The following NCKAP5 variants were observed in gnomAD, a reference collection of about 807,000 sequenced individuals.
NCKAP5 encodes the protein NCK associated protein 5.
NCKAP5 carries 92 observed loss-of-function variants against 167.0 expected under a neutral mutation model. The observed-to-expected ratio is 0.55, with a 90% CI of 0.47 to 0.66. The LOEUF (loss-of-function observed/expected upper bound fraction) is 0.66. Ranked by LOEUF, NCKAP5 falls within the 30% of genes least tolerant of loss-of-function variation. The probability of loss-of-function intolerance (pLI) is 0.00; values close to 1 mark genes in which losing one functional copy is unlikely to be tolerated. For synonymous variants in NCKAP5, 891 were observed against 877.4 expected (o/e 1.02, Z -0.27); for missense variants, 2,378 against 2,315.0 (o/e 1.03, Z -0.56).
chr2:133,169,006 C>CCA (rs1448439179), intron 5 of NCKAP5, among the ~76,000 whole-genome samples: 1 of 152,126 alleles, frequency 6.6e-6, no homozygotes, highest in Non-Finnish European at 1.5e-5. Context: ...TAGTCGTTCT[C>CCA]CATCACTGTC....
In NCKAP5 at chr2:133,458,061, A is replaced by G. The variant is rs553791237; in HGVS notation, c.69+59397T>C. 1.4e-4 allele frequency among the ~76,000 whole-genome samples: 22 copies of G among 152,288 alleles called. No individual in the cohort carries two copies. The South Asian group carries it at 4.6e-3, about 32-fold the overall frequency. The stretch of plus-strand genomic sequence containing the variant: ...GCAACCATGCCTGGAGGCTATGTTA[A>G]AAATTCTGAGATCCATGAACATCAG... On this transcript the variant is annotated intron_variant, in intron 3 of 19. Coordinates refer to ENST00000409261, the MANE Select transcript of NCKAP5 (RefSeq NM_207363.3).
chr2:132,990,552 T>C (rs2077420584), intron 7 of NCKAP5, among the ~76,000 whole-genome samples: 1 of 152,190 alleles, frequency 6.6e-6, no homozygotes, highest in Admixed American at 6.5e-5. Context: ...GCAGATTTGA[T>C]CAACTTCAGG....
chr2:133,129,682 A>G (rs1265619716), intron 6 of NCKAP5, among the ~76,000 whole-genome samples: 1 of 152,244 alleles, frequency 6.6e-6, no homozygotes, highest in Non-Finnish European at 1.5e-5. Flanking sequence ...GGCCTTTTAA[A>G]GGACAAGCCT....
Position 132,895,877 on chromosome 2 carries a change from G to A in NCKAP5, c.580-16961C>T, listed in dbSNP as rs1247649748. Among the ~76,000 whole-genome samples, 5 of 150,890 alleles carry A rather than the reference G, an allele frequency of 3.3e-5. No individual in the cohort carries two copies. In the East Asian group the frequency reaches 9.8e-4, roughly 29 times the overall value. ...AGGCCAGGCGCAGTGGCCCATGCCT[G>A]TAATCCCAGCACTTTGTAAGGCCGA... On this transcript the variant is annotated intron_variant, in intron 8 of 19. Transcript: ENST00000409261.
chr2:133,617,835 C>G, the NCKAP5 span, among the ~76,000 whole-genome samples: 1 of 150,326 alleles, frequency 6.7e-6, no homozygotes, highest in African/African-American at 2.4e-5. Context: ...AAAAAGAGCC[C>G]GCATCGCCAA....
chr2:133,519,405 C>A (rs1684290234), intron 2 of NCKAP5, among the ~76,000 whole-genome samples: 1 of 152,152 alleles, frequency 6.6e-6, no homozygotes, highest in Non-Finnish European at 1.5e-5. Flanking sequence ...ATAGGCATGA[C>A]CACTAGTCAA....
At chr2:133,240,541 T>C (rs1285139388) in intron 4 of NCKAP5, among the ~76,000 whole-genome samples, 2 of 152,238 alleles carry the variant, frequency 1.3e-5, no homozygotes, top group Admixed American at 1.3e-4. Flanking sequence ...GCTGACTGTC[T>C]TGGGGATGCT....
intron 19 of NCKAP5, among the ~76,000 whole-genome samples, chr2:132,698,551 G>T (rs1428103100): frequency 6.6e-6 from 1 of 152,116 alleles, no homozygotes; most frequent in Non-Finnish European, 1.5e-5. Context: ...AATGCAAATT[G>T]TGGCCGGGAG....
chr2:133,092,948 A>G (rs1200981722), intron 6 of NCKAP5, among the ~76,000 whole-genome samples: 2 of 152,224 alleles, frequency 1.3e-5, no homozygotes, highest in Admixed American at 6.5e-5. Flanking sequence ...TACACAGAAC[A>G]GCTCAGGTGC....
chr2:133,377,929 G>A (rs1360130248), intron 3 of NCKAP5, among the ~76,000 whole-genome samples: 1 of 152,114 alleles, frequency 6.6e-6, no homozygotes, highest in Non-Finnish European at 1.5e-5. Context: ...TTGGCTGGGG[G>A]CAGGGCTGCT....
intron 11 of NCKAP5, among the ~76,000 whole-genome samples, chr2:132,818,527 C>CA (rs1686459972): frequency 6.6e-6 from 1 of 152,000 alleles, no homozygotes; most frequent in South Asian, 2.1e-4. Flanking sequence ...AACACAAAAA[C>CA]AAAAACAAAA....
chr2:133,588,135 G>A, the NCKAP5 span, among the ~76,000 whole-genome samples: 1 of 152,144 alleles, frequency 6.6e-6, no homozygotes, highest in South Asian at 2.1e-4. Context: ...AGTCAACTAT[G>A]TCACAATGTT....
intron 3 of NCKAP5, among the ~76,000 whole-genome samples, chr2:133,407,546 GCGCTGTGCCGGCCACTTAACA>G (rs1688514126): frequency 6.6e-6 from 1 of 152,176 alleles, no homozygotes; most frequent in Non-Finnish European, 1.5e-5. Flanking sequence ...CGTGGTGCAG[GCGCTGTGCCGGCCACTTAACA>G]CGCTGAGCCC....
chr2:132,860,174 T>A (rs921868471), intron 11 of NCKAP5, among the ~76,000 whole-genome samples: 8 of 152,238 alleles, frequency 5.3e-5, no homozygotes, highest in African/African-American at 1.9e-4. Context: ...TATGCAAGAT[T>A]ACTAATGCTG....
intron 3 of NCKAP5, among the ~76,000 whole-genome samples, chr2:133,506,320 T>C (rs1282540935): frequency 1.3e-5 from 2 of 152,254 alleles, no homozygotes; most frequent in Non-Finnish European, 2.9e-5. Flanking sequence ...TAGTGTTTTC[T>C]CAGCCCAGAA....
At chr2:133,409,016 T>C (rs1247478101) in intron 3 of NCKAP5, among the ~76,000 whole-genome samples, 1 of 152,250 alleles carries the variant, frequency 6.6e-6, no homozygotes, top group Non-Finnish European at 1.5e-5. Flanking sequence ...AATTTTTTCC[T>C]GGGTTGTTAC....
intron 3 of NCKAP5, among the ~76,000 whole-genome samples, chr2:133,396,572 A>G (rs1177169239): frequency 6.6e-6 from 1 of 152,162 alleles, no homozygotes; most frequent in East Asian, 1.9e-4. Flanking sequence ...TTGTAGAAGT[A>G]TCATTCTGAT....
intron 6 of NCKAP5, among the ~76,000 whole-genome samples, chr2:133,061,771 G>A (rs1264010655): frequency 6.6e-6 from 1 of 152,114 alleles, no homozygotes; most frequent in East Asian, 1.9e-4. Context: ...TCAATCATAA[G>A]CTTTCTTGGA....
At chr2:132,833,246 GT>G (rs1267908185) in intron 11 of NCKAP5, among the ~76,000 whole-genome samples, 10 of 152,176 alleles carry the variant, frequency 6.6e-5, no homozygotes, top group Non-Finnish European at 1.3e-4. Context: ...AATTGTTTGA[GT>G]TTCTTGTATA....
Sources: allele counts gnomAD v4.1 joint callset (sites outside exome capture counted in the v4.1 genomes callset), GRCh38; gene constraint gnomAD v4.1.1; transcripts MANE v1.5; gene names NCBI Gene and HGNC (gene_info 2026-07-23, HGNC 2026-07-21).